Variants in MYO18B observed in about 807,000 individuals in gnomAD.
MYO18B encodes the protein myosin XVIIIB, also known as unconventional myosin-XVIIIb.
In MYO18B, 204 loss-of-function variants were observed where a neutral mutation model predicts 273.0. That is an observed-to-expected ratio of 0.75 (90% CI 0.67 to 0.84). The LOEUF (loss-of-function observed/expected upper bound fraction) is 0.84, where lower values mean the gene tolerates loss of function less well. MYO18B is among the 40% of genes least tolerant of loss of function. MYO18B has a pLI of 0.00. For synonymous variants in MYO18B, 1,330 were observed against 1,305.7 expected, an observed-to-expected ratio of 1.02 and a Z score of -0.40; for missense variants, 3,212 against 3,287.6, an observed-to-expected ratio of 0.98 and a Z score of 0.56.
At chr22:25,911,550 T>C (rs2092158971) in intron 33 of MYO18B, among the ~76,000 whole-genome samples, 1 of 152,324 alleles carries the variant, frequency 6.6e-6, no homozygotes, top group Admixed American at 6.5e-5. Context: ...ACACCAGGGT[T>C]CTCGACTGTC....
At chr22:25,782,585 A>T (rs548835622) in intron 10 of MYO18B, among the ~76,000 whole-genome samples, 1 of 152,284 alleles carries the variant, frequency 6.6e-6, no homozygotes, top group African/African-American at 2.4e-5. Context: ...CCTCTGTTGG[A>T]TGGATGGGCA....
At chr22:25,914,553 T>C (rs1017731934) in intron 33 of MYO18B, among the ~76,000 whole-genome samples, 2 of 152,070 alleles carry the variant, frequency 1.3e-5, no homozygotes, top group African/African-American at 2.4e-5. Flanking sequence ...GGGAATACCA[T>C]TGATTATCAT....
rs1173165687 is a variant in MYO18B at position 25,898,428 on chromosome 22, G to A, written c.4790G>A (p.Ser1597Asn). Residue 1597 changes from serine to asparagine, a missense_variant, in exon 29 of 44, where the codon AGT becomes AAT. By Grantham distance (46) the Ser-to-Asn change is conservative (BLOSUM62 1). Transcript: ENST00000335473. The stretch of plus-strand genomic sequence containing the variant: ...TGCGTCCTGCTAGAGAACCAACAAA[G>A]TCGAAACCATGAGCTGGAGAAGAAG... ...DTCVLLENQQ[S>N]RNHELEKKQK... 1 of 1,613,764 alleles carries A rather than the reference G, an allele frequency of 6.2e-7. No homozygotes were observed. The highest frequency in any genetic ancestry group is 8.5e-7 in the Non-Finnish European group (1 of 1,179,854).
chr22:25,856,061 G>A (rs1389009888), intron 21 of MYO18B, among the ~76,000 whole-genome samples: 2 of 152,156 alleles, frequency 1.3e-5, no homozygotes, highest in African/African-American at 2.4e-5. Context: ...CCCAGAAGTG[G>A]AATAGCTGGA....
rs1601777626 is a variant in MYO18B, at chr22:25,992,237, A to G, written c.6157-126A>G. Reference sequence around the variant, plus strand: ...CCGCAGAGAGAGCCTCTCACGGAGAACTTACCACTTCATAGGTGCTCAGTG... The same window carrying G: ...CCGCAGAGAGAGCCTCTCACGGAGAGCTTACCACTTCATAGGTGCTCAGTG... On this transcript the variant is annotated intron_variant, in intron 39 of 43. Coordinates refer to ENST00000335473, the MANE Select transcript of MYO18B (RefSeq NM_032608.7). The G allele has an allele frequency of 2.6e-6, 3 of 1,173,788 alleles. No homozygotes were observed. In the South Asian group the frequency reaches 4.4e-5, roughly 17 times the overall value. 72.7% of individuals were successfully genotyped at this position (1,173,788 alleles called of 1,614,324 possible).
chr22:25,873,628 C>T lies in MYO18B; in HGVS notation c.3952-658C>T, dbSNP rs967785637. ...GCTAATTTTGTATTTTTAGTAGAGA[C>T]GGAGTTTCTCCGTGTTGGTCAGGCT... On this transcript the variant is annotated intron_variant, in intron 22 of 43. Transcript: ENST00000335473. Among the ~76,000 whole-genome samples the T allele has an allele frequency of 9.9e-5, 15 of 152,246 alleles. No individual in the cohort carries two copies. The East Asian group carries it at 2.1e-3, about 22-fold the overall frequency.
At chr22:25,868,257 CT>C in intron 21 of MYO18B, 62 bp from the exon 22 acceptor site, 3 of 1,435,240 alleles carry the variant, frequency 2.1e-6, no homozygotes, top group Non-Finnish European at 2.9e-6. Context: ...GCCAGCTTGA[CT>C]TTCCCCTTTA....
At chr22:26,004,646 T>G in intron 41 of MYO18B, 72 bp from the exon 42 acceptor site, 1 of 1,570,108 alleles carries the variant, frequency 6.4e-7, no homozygotes, top group Non-Finnish European at 8.7e-7. Flanking sequence ...GCTTATGCTA[T>G]GGGTGAATAT....
At chr22:25,913,833 C>T (rs1432381647) in intron 33 of MYO18B, among the ~76,000 whole-genome samples, 1 of 152,148 alleles carries the variant, frequency 6.6e-6, no homozygotes, top group Non-Finnish European at 1.5e-5. Flanking sequence ...TTATAATGTC[C>T]TTAGCTTAAT....
intron 28 of MYO18B, among the ~76,000 whole-genome samples, chr22:25,895,822 AT>A: frequency 1.3e-5 from 2 of 151,028 alleles, no homozygotes; most frequent in South Asian, 2.1e-4. Flanking sequence ...CTCATGTTGG[AT>A]TTTTTTCCTT....
chr22:25,940,290 A>T (rs149913546), intron 34 of MYO18B, among the ~76,000 whole-genome samples: 3 of 42,968 alleles, frequency 7.0e-5, no homozygotes, highest in African/African-American at 2.5e-4. Flanking sequence ...GTCTCACGAG[A>T]TCTGGTTTTA....
At chr22:25,873,102 C>A (rs1184624305) in intron 22 of MYO18B, among the ~76,000 whole-genome samples, 1 of 152,162 alleles carries the variant, frequency 6.6e-6, no homozygotes, top group African/African-American at 2.4e-5. Context: ...CAGGTTCTCG[C>A]AGAAAAGCAT....
At chr22:25,859,466 A>G (rs1042545086) in intron 21 of MYO18B, among the ~76,000 whole-genome samples, 65 of 152,310 alleles carry the variant, frequency 4.3e-4, no homozygotes, top group Admixed American at 4.0e-3. Flanking sequence ...GTTATTTTTC[A>G]AAGTGGCTCT....
intron 5 of MYO18B, 29 bp from the exon 6 acceptor site, chr22:25,770,843 C>T: frequency 6.7e-7 from 1 of 1,499,808 alleles, no homozygotes; most frequent in African/African-American, 1.4e-5. Flanking sequence ...CCTCCCCGTT[C>T]CCCTTCTCTC....
At chr22:25,885,653 C>T (rs1034799747) in intron 25 of MYO18B, among the ~76,000 whole-genome samples, 7 of 152,036 alleles carry the variant, frequency 4.6e-5, no homozygotes, top group South Asian at 2.1e-4. Flanking sequence ...GAATCACATT[C>T]GAGGTTTGGA....
intron 1 of MYO18B, chr22:25,756,372 G>C (rs998684027): frequency 6.6e-6 from 1 of 152,246 alleles, no homozygotes; most frequent in Non-Finnish European, 1.5e-5. Context: ...GAGCCGAAAT[G>C]CTCCTTGGAT....
chr22:25,866,267 A>AGGGG (rs2090882724), intron 21 of MYO18B, among the ~76,000 whole-genome samples: 1 of 9,310 alleles, frequency 1.1e-4, no homozygotes, highest in African/African-American at 4.3e-4. Context: ...GGGTAGTATG[A>AGGGG]GGGTGGGTGG....
At chr22:25,848,641 T>C (rs2090330834) in intron 20 of MYO18B, among the ~76,000 whole-genome samples, 1 of 152,130 alleles carries the variant, frequency 6.6e-6, no homozygotes, top group Admixed American at 6.5e-5. Flanking sequence ...GGGTCTGTAT[T>C]TTAGTAAGAA....
chr22:25,928,511 C>G (rs913953335), intron 34 of MYO18B, among the ~76,000 whole-genome samples: 8 of 151,790 alleles, frequency 5.3e-5, no homozygotes, highest in African/African-American at 1.9e-4. Flanking sequence ...GCTACAGCAT[C>G]TTCTCTCCAG....
Sources: gnomAD v4.1 joint callset for allele counts (sites outside exome capture counted in the v4.1 genomes callset) on GRCh38, gnomAD v4.1.1 for gene constraint, MANE v1.5 for transcripts, NCBI Gene and HGNC (gene_info 2026-07-23, HGNC 2026-07-21) for gene names.